The following DAG1 variants were observed in gnomAD, a reference collection of about 807,000 sequenced individuals.
The protein encoded by DAG1 is dystroglycan 1 (dystrophin-associated glycoprotein 1).
Under a neutral mutation model 46.1 loss-of-function variants are expected in DAG1, and 8 were observed. The observed-to-expected ratio is 0.17, with a 90% CI of 0.10 to 0.31. The LOEUF is 0.31. DAG1 is among the 10% of genes least tolerant of loss of function. The probability of loss-of-function intolerance (pLI) is 1.00; values close to 1 mark genes in which losing one functional copy is unlikely to be tolerated. For missense variants in DAG1, 1,003 were observed against 1,189.9 expected (o/e 0.84, Z 2.31); for synonymous variants, 495 against 481.8 (o/e 1.03, Z -0.36).
intron 2 of DAG1, among the ~76,000 whole-genome samples, chr3:49,527,326 C>T (rs1346117849): frequency 1.3e-5 from 2 of 152,174 alleles, no homozygotes; most frequent in African/African-American, 4.8e-5. Flanking sequence ...AGATCGAGAC[C>T]ATCTTGGCTA....
chr3:49,487,903 C>T (rs1360154550), intron 1 of DAG1, among the ~76,000 whole-genome samples: 1 of 151,830 alleles, frequency 6.6e-6, no homozygotes, highest in Non-Finnish European at 1.5e-5. Context: ...GGGGTTTCAC[C>T]ATGTTAGCCA....
At position 49,530,932 on chromosome 3, in the gene DAG1, A is replaced by T. The variant is rs756888409; in HGVS notation, c.421A>T (p.Asn141Tyr). The change falls in exon 3 of 3, where the codon AAC (asparagine) becomes TAC (tyrosine). Residue 141 changes from asparagine to tyrosine, a missense_variant. By Grantham distance (143) the Asn-to-Tyr change is moderately radical. This residue lies in a region of DAG1 where 196 missense variants were observed against 239.1 expected (regional missense o/e 0.82). Coordinates refer to ENST00000308775, the MANE Select transcript of DAG1 (RefSeq NM_004393.6). ...AGTGAGCGCTACACGGCTGGGGGCCAACGGGAGCCACATCCCCCAGACCTC... is the reference window on the plus strand; with the variant it reads ...AGTGAGCGCTACACGGCTGGGGGCCTACGGGAGCCACATCCCCCAGACCTC... ...ISVSATRLGA[N>Y]GSHIPQTSSV... is the part of the protein sequence containing the mutation. 4 of 1,614,134 alleles carry T rather than the reference A, an allele frequency of 2.5e-6. No homozygotes were observed. Among genetic ancestry groups the T allele is most frequent in the Non-Finnish European group, 2.5e-6 (3 of 1,180,014 alleles).
intron 1 of DAG1, among the ~76,000 whole-genome samples, chr3:49,477,558 G>T (rs1050722876): frequency 6.6e-6 from 1 of 152,154 alleles, no homozygotes; most frequent in Non-Finnish European, 1.5e-5. Flanking sequence ...CTCTCAAAGT[G>T]CTGTGATTAA....
At chr3:49,472,226 A>G (rs2106730551) in intron 1 of DAG1, among the ~76,000 whole-genome samples, 1 of 152,236 alleles carries the variant, frequency 6.6e-6, no homozygotes, top group Non-Finnish European at 1.5e-5. Context: ...AAGTCAGCTA[A>G]CAGAGGAGAG....
intron 2 of DAG1, among the ~76,000 whole-genome samples, chr3:49,522,392 C>G (rs950028690): frequency 1.3e-5 from 2 of 151,986 alleles, no homozygotes; most frequent in Non-Finnish European, 2.9e-5. Flanking sequence ...CTCTTGAACT[C>G]CTGACCTCGT....
chr3:49,516,099 T>C (rs2050889355), intron 2 of DAG1, among the ~76,000 whole-genome samples: 1 of 152,204 alleles, frequency 6.6e-6, no homozygotes. Flanking sequence ...GGTACAGCCA[T>C]ATCTTTCAGG....
At chr3:49,499,638 G>C (rs905940673) in intron 1 of DAG1, among the ~76,000 whole-genome samples, 6 of 152,190 alleles carry the variant, frequency 3.9e-5, no homozygotes, top group Non-Finnish European at 8.8e-5. Flanking sequence ...GTTCCATAAG[G>C]CTGTCTGGAC....
At chr3:49,473,406 A>C (rs2049583981) in intron 1 of DAG1, among the ~76,000 whole-genome samples, 1 of 151,978 alleles carries the variant, frequency 6.6e-6, no homozygotes, top group African/African-American at 2.4e-5. Context: ...TGGGCGACAG[A>C]GCGAGACTCC....
chr3:49,509,120 T>A (rs537053484), intron 1 of DAG1, among the ~76,000 whole-genome samples: 49 of 152,308 alleles, frequency 3.2e-4, no homozygotes, highest in African/African-American at 9.9e-4. Flanking sequence ...TGGGTTTTTT[T>A]AAAAAGTAAA....
At chr3:49,503,069 T>G (rs541018366) in intron 1 of DAG1, among the ~76,000 whole-genome samples, 2 of 152,370 alleles carry the variant, frequency 1.3e-5, no homozygotes, top group African/African-American at 2.4e-5. Flanking sequence ...TTTTTAACTT[T>G]CCAGTGTTGC....
chr3:49,523,498 A>G (rs1422635967), intron 2 of DAG1, among the ~76,000 whole-genome samples: 1 of 152,162 alleles, frequency 6.6e-6, no homozygotes, highest in Non-Finnish European at 1.5e-5. Context: ...ACAAGTGTTG[A>G]CAGGCAACTC....
chr3:49,495,617 G>A (rs1219842744), intron 1 of DAG1, among the ~76,000 whole-genome samples: 1 of 152,054 alleles, frequency 6.6e-6, no homozygotes, highest in Non-Finnish European at 1.5e-5. Context: ...TACTCTAGCT[G>A]CTGCAGCCAA....
In DAG1 at chr3:49,484,723, T is replaced by TA. The variant is rs1414100895; in HGVS notation, c.-117+14291dup. On this transcript the variant is annotated intron_variant, in intron 1 of 2. Transcript: ENST00000308775. Reference sequence around the variant, plus strand: ...CAGTCCTCTGCCTCAGTGTCAGGCTTACTGTGGTCTCTGTGCCCAGTTTGC... The same window carrying TA: ...CAGTCCTCTGCCTCAGTGTCAGGCTTAACTGTGGTCTCTGTGCCCAGTTTGC... Among the ~76,000 whole-genome samples, 9 of 152,088 alleles carry TA rather than the reference T, an allele frequency of 5.9e-5. 1 individual carries two copies. In the East Asian group the frequency reaches 1.5e-3, roughly 26 times the overall value.
At chr3:49,484,120 C>G (rs2049954489) in intron 1 of DAG1, among the ~76,000 whole-genome samples, 1 of 152,168 alleles carries the variant, frequency 6.6e-6, no homozygotes, top group African/African-American at 2.4e-5. Flanking sequence ...CTGTCTGACT[C>G]TCTTCTGCTT....
At chr3:49,499,510 GC>G (rs1451624081) in intron 1 of DAG1, among the ~76,000 whole-genome samples, 9 of 152,192 alleles carry the variant, frequency 5.9e-5, no homozygotes, top group African/African-American at 2.2e-4. Context: ...TTGAGTTGGT[GC>G]CCCATGTGCA....
intron 2 of DAG1, among the ~76,000 whole-genome samples, chr3:49,514,848 G>GAC (rs1208343544): frequency 2.2e-4 from 32 of 147,584 alleles, no homozygotes; most frequent in Admixed American, 1.2e-3. Flanking sequence ...CACATACATA[G>GAC]ACACACACAC....
chr3:49,483,054 G>T (rs1378634160), intron 1 of DAG1, among the ~76,000 whole-genome samples: 1 of 152,024 alleles, frequency 6.6e-6, no homozygotes, highest in East Asian at 1.9e-4. Flanking sequence ...TTCCAAATAA[G>T]ATTTCCTTTT....
At chr3:49,476,460 G>A (rs537988826) in intron 1 of DAG1, among the ~76,000 whole-genome samples, 16 of 152,064 alleles carry the variant, frequency 1.1e-4, no homozygotes, top group Admixed American at 6.6e-4. Flanking sequence ...GCGTGGTGGC[G>A]CACACCTGTA....
At chr3:49,530,297 A>T (rs2051304562) in intron 2 of DAG1, among the ~76,000 whole-genome samples, 1 of 152,154 alleles carries the variant, frequency 6.6e-6, no homozygotes, top group South Asian at 2.1e-4. Context: ...ACCTGTGTGC[A>T]TCTCCACTTT....
Sources: allele counts gnomAD v4.1 joint callset (sites outside exome capture counted in the v4.1 genomes callset), GRCh38; gene constraint gnomAD v4.1.1; regional missense constraint gnomAD v4.1.1; transcripts MANE v1.5; gene names NCBI Gene and HGNC (gene_info 2026-07-23, HGNC 2026-07-21).